ZBTB8A: variants seen among roughly 807,000 people sequenced by gnomAD.
The protein encoded by ZBTB8A is zinc finger and BTB domain-containing protein 8A.
In ZBTB8A, 19 loss-of-function variants were observed where a neutral mutation model predicts 37.8. The observed-to-expected ratio is 0.50, with a 90% CI of 0.35 to 0.74. The LOEUF (loss-of-function observed/expected upper bound fraction) is 0.74, where lower values mean the gene tolerates loss of function less well. Ranked by LOEUF, ZBTB8A falls within the 30% of genes least tolerant of loss-of-function variation. ZBTB8A has a pLI of 0.01. For synonymous variants in ZBTB8A, 181 were observed against 185.2 expected, an observed-to-expected ratio of 0.98 and a Z score of 0.19; for missense variants, 394 against 537.8, an observed-to-expected ratio of 0.73 and a Z score of 2.65.
chr1:32,604,241 T>C lies in ZBTB8A; in HGVS notation c.*3822T>C, dbSNP rs998851038. ...TGCCTAGTGTCTGGGAGAAACAAAA[T>C]GGACTAGACCTGCAGTTTAAAATAA... On this transcript the variant is annotated 3_prime_UTR_variant, in exon 5 of 5. Transcript: ENST00000373510. 1 of 152,278 alleles carries C rather than the reference T, an allele frequency of 6.6e-6. No homozygotes were observed. The highest frequency in any genetic ancestry group is 2.4e-5 in the African/African-American group (1 of 41,576). 9.4% of individuals were successfully genotyped at this position (152,278 alleles called of 1,614,324 possible). A position where few individuals can be genotyped will look rare whatever the true frequency, so the allele number is the denominator to read the frequency against.
chr1:32,590,270 G>A (rs1001663132), intron 2 of ZBTB8A, among the ~76,000 whole-genome samples: 1 of 151,986 alleles, frequency 6.6e-6, no homozygotes, highest in Non-Finnish European at 1.5e-5. Context: ...CCCACACCAA[G>A]CAGGTAAAGT....
At chr1:32,548,829 T>C (rs1001585231) in intron 1 of ZBTB8A, among the ~76,000 whole-genome samples, 1 of 152,176 alleles carries the variant, frequency 6.6e-6, no homozygotes, top group Admixed American at 6.5e-5. Flanking sequence ...ATTCTCCATC[T>C]CGCAGCTCTG....
intron 1 of ZBTB8A, among the ~76,000 whole-genome samples, chr1:32,549,388 G>C (rs1010649566): frequency 1.5e-4 from 23 of 151,854 alleles, no homozygotes; most frequent in Non-Finnish European, 3.4e-4. Context: ...CGGCTACTTG[G>C]GGGGCTGAGG....
At chr1:32,548,515 G>A (rs1425187058) in intron 1 of ZBTB8A, among the ~76,000 whole-genome samples, 2 of 151,990 alleles carry the variant, frequency 1.3e-5, no homozygotes, top group Non-Finnish European at 2.9e-5. Flanking sequence ...TTGTATTTTA[G>A]TAGAGATGGG....
intron 2 of ZBTB8A, among the ~76,000 whole-genome samples, chr1:32,573,067 ATTCT>A (rs1396603308): frequency 1.5e-5 from 2 of 131,074 alleles, no homozygotes; most frequent in Non-Finnish European, 3.3e-5. Flanking sequence ...AGTTCTCTAG[ATTCT>A]TTTTTTTTTT....
At position 32,554,915 on chromosome 1, in the gene ZBTB8A, A is replaced by G. The variant is rs534055339; in HGVS notation, c.-2+1375A>G. On this transcript the variant is annotated intron_variant, in intron 2 of 4. Transcript: ENST00000373510. ...TTATTAAGAACTGGAGATTATCTAG[A>G]TCAGTCCTTTTAATTTGCAGAGAAG... Among the ~76,000 whole-genome samples the G allele has an allele frequency of 5.9e-5, 9 of 152,274 alleles. No individual in the cohort carries two copies. The South Asian group carries it at 1.9e-3, about 32-fold the overall frequency.
intron 2 of ZBTB8A, among the ~76,000 whole-genome samples, chr1:32,573,278 G>C (rs141978676): frequency 6.8e-6 from 1 of 147,794 alleles, no homozygotes; most frequent in Non-Finnish European, 1.5e-5. Context: ...GTTTCAGCAC[G>C]TTGGTCAGGC....
intron 2 of ZBTB8A, among the ~76,000 whole-genome samples, chr1:32,584,108 A>G (rs1295280697): frequency 6.6e-6 from 1 of 152,086 alleles, no homozygotes; most frequent in Non-Finnish European, 1.5e-5. Flanking sequence ...CGCAGGGAGA[A>G]GATGGCCATA....
chr1:32,588,541 G>A (rs1439735212), intron 2 of ZBTB8A, among the ~76,000 whole-genome samples: 5 of 151,954 alleles, frequency 3.3e-5, no homozygotes, highest in South Asian at 2.1e-4. Flanking sequence ...AGGAGTAGCC[G>A]GTGAGGTAGG....
chr1:32,576,451 A>G (rs1212155393), intron 2 of ZBTB8A, among the ~76,000 whole-genome samples: 1 of 151,306 alleles, frequency 6.6e-6, no homozygotes, highest in African/African-American at 2.4e-5. Context: ...TTTCTTTGAG[A>G]CAGTTTCGTT....
chr1:32,585,365 G>A (rs910699399), intron 2 of ZBTB8A, among the ~76,000 whole-genome samples: 1 of 151,926 alleles, frequency 6.6e-6, no homozygotes, highest in Non-Finnish European at 1.5e-5. Flanking sequence ...GCTAATAAGA[G>A]AGGTTGCTAC....
rs531680570 is a variant in ZBTB8A, at chr1:32,570,880, C to CTT, written c.-2+17352_-2+17353dup. On this transcript the variant is annotated intron_variant, in intron 2 of 4. Transcript: ENST00000373510. Reference sequence around the variant, plus strand: ...TTGTTACTCTTTATGCCTGTTATTTCTTTTTTTTTTTTTAAGACTGAGTCT... The same window carrying CTT: ...TTGTTACTCTTTATGCCTGTTATTTCTTTTTTTTTTTTTTTAAGACTGAGTCT... Among the ~76,000 whole-genome samples the CTT allele has an allele frequency of 3.9e-3, 561 of 143,414 alleles. 8 individuals carry two copies. In the East Asian group the frequency reaches 0.045, roughly 11 times the overall value. The allele number at this position is 143,414 out of a possible 152,430, so 94.1% of individuals were successfully genotyped here.
rs1164988450 is a variant in ZBTB8A, at chr1:32,604,918, AGGCGGGC to A, written c.*4502_*4508del. 1 of 152,116 alleles carries A rather than the reference AGGCGGGC, an allele frequency of 6.6e-6. No homozygotes were observed. The highest frequency in any genetic ancestry group is 1.5e-5 in the Non-Finnish European group (1 of 68,050). The allele number at this position is 152,116 out of a possible 1,614,324, so 9.4% of individuals were successfully genotyped here. Reference sequence around the variant, plus strand: ...GTAATCCTAGCACTTTGGGAGGCCGAGGCGGGCGGATCACTTAAGGCCAGGTGTTCGA... The same window carrying A: ...GTAATCCTAGCACTTTGGGAGGCCGAGGATCACTTAAGGCCAGGTGTTCGA... On this transcript the variant is annotated 3_prime_UTR_variant, in exon 5 of 5. Transcript: ENST00000373510.
rs1011361415 is a variant in ZBTB8A at position 32,603,965 on chromosome 1, T to C, written c.*3546T>C. The C allele has an allele frequency of 2.0e-5, 3 of 152,252 alleles. No homozygotes were observed. Among genetic ancestry groups the C allele is most frequent in the Non-Finnish European group, 2.9e-5 (2 of 68,050 alleles). 9.4% of individuals were successfully genotyped at this position (152,252 alleles called of 1,614,324 possible). A position where few individuals can be genotyped will look rare whatever the true frequency, so the allele number is the denominator to read the frequency against. On this transcript the variant is annotated 3_prime_UTR_variant, in exon 5 of 5. Transcript: ENST00000373510. ...AGTTATTTTCTAGAGTGAAACTGTC[T>C]ATTGATGATTGAGAAAATTGAATTC...
intron 2 of ZBTB8A, among the ~76,000 whole-genome samples, chr1:32,571,663 C>T (rs1237569986): frequency 6.6e-5 from 10 of 152,064 alleles, no homozygotes; most frequent in Admixed American, 5.9e-4. Context: ...CAACCTCTGC[C>T]TCCTGGGTTC....
intron 4 of ZBTB8A, among the ~76,000 whole-genome samples, chr1:32,599,654 T>C (rs548908648): frequency 6.6e-6 from 1 of 151,602 alleles, no homozygotes; most frequent in South Asian, 2.1e-4. Flanking sequence ...GAGGCGGAGG[T>C]TGCAGTGAGC....
intron 2 of ZBTB8A, among the ~76,000 whole-genome samples, chr1:32,563,896 C>T (rs1644261768): frequency 6.6e-6 from 1 of 152,148 alleles, no homozygotes; most frequent in South Asian, 2.1e-4. Flanking sequence ...GGAATGGCCT[C>T]TGAGACAAAA....
intron 2 of ZBTB8A, among the ~76,000 whole-genome samples, chr1:32,560,101 G>A (rs1557705033): frequency 2.0e-5 from 3 of 152,040 alleles, no homozygotes; most frequent in South Asian, 4.2e-4. Flanking sequence ...TGGAGTGGGC[G>A]GAAGAGAGGT....
chr1:32,550,912 G>A (rs930868390), intron 1 of ZBTB8A, among the ~76,000 whole-genome samples: 8 of 149,454 alleles, frequency 5.4e-5, no homozygotes, highest in Non-Finnish European at 1.2e-4. Flanking sequence ...AGCCAAGATC[G>A]CGCCATTGCA....
Sources: allele counts gnomAD v4.1 joint callset (sites outside exome capture counted in the v4.1 genomes callset), GRCh38; gene constraint gnomAD v4.1.1; transcripts MANE v1.5; gene names NCBI Gene and HGNC (gene_info 2026-07-23, HGNC 2026-07-21).